The following MGMT variants were observed in gnomAD, a reference collection of about 807,000 sequenced individuals.
The protein encoded by MGMT is O-6-methylguanine-DNA methyltransferase, also known as methylated-DNA--protein-cysteine methyltransferase.
Under a neutral mutation model 15.9 loss-of-function variants are expected in MGMT, and 14 were observed. The ratio of observed to expected loss-of-function variants is 0.88; its 90% CI spans 0.58 to 1.37. MGMT has a LOEUF of 1.37. MGMT is among the 40% of genes most tolerant of loss of function. The pLI is 0.00. For missense variants in MGMT, 282 were observed against 268.1 expected, an observed-to-expected ratio of 1.05 and a Z score of -0.36; for synonymous variants, 130 against 118.2, an observed-to-expected ratio of 1.10 and a Z score of -0.65.
At chr10:129,519,080 G>T (rs1845776048) in intron 1 of MGMT, among the ~76,000 whole-genome samples, 1 of 152,116 alleles carries the variant, frequency 6.6e-6, no homozygotes, top group Admixed American at 6.5e-5. Context: ...TTTTCTGTAA[G>T]CCCTGGACTA....
intron 1 of MGMT, among the ~76,000 whole-genome samples, chr10:129,471,079 G>A (rs772024310): frequency 5.3e-5 from 8 of 152,178 alleles, no homozygotes; most frequent in Non-Finnish European, 1.2e-4. Flanking sequence ...GGGGGACACC[G>A]AATGGATAGT....
intron 2 of MGMT, among the ~76,000 whole-genome samples, chr10:129,540,759 T>C (rs1254993656): frequency 1.3e-5 from 2 of 152,258 alleles, no homozygotes; most frequent in South Asian, 2.1e-4. Flanking sequence ...TGGATTGATA[T>C]TACTTTATCT....
chr10:129,700,557 A>T (rs1848087022), intron 2 of MGMT: 1 of 152,164 alleles, frequency 6.6e-6, no homozygotes, highest in Non-Finnish European at 1.5e-5. Flanking sequence ...GTCGGCTGTC[A>T]ACTCCAGAGG....
intron 2 of MGMT, among the ~76,000 whole-genome samples, chr10:129,564,457 C>T (rs1846323888): frequency 1.1e-5 from 1 of 90,122 alleles, no homozygotes; most frequent in African/African-American, 4.7e-5. Flanking sequence ...CCTCTCTCTC[C>T]CCTTCCTGTC....
chr10:129,569,656 T>C (rs1376828176), intron 2 of MGMT, among the ~76,000 whole-genome samples: 1 of 152,018 alleles, frequency 6.6e-6, no homozygotes, highest in Non-Finnish European at 1.5e-5. Context: ...ACAACCTTGG[T>C]GGGTTGTAGA....
At chr10:129,602,872 A>G (rs960204412) in intron 2 of MGMT, among the ~76,000 whole-genome samples, 1 of 152,104 alleles carries the variant, frequency 6.6e-6, no homozygotes, top group Non-Finnish European at 1.5e-5. Flanking sequence ...CTGCAAGTAT[A>G]TTTCATACAT....
intron 2 of MGMT, among the ~76,000 whole-genome samples, chr10:129,678,733 C>T (rs192115439): frequency 2.0e-5 from 3 of 152,056 alleles, no homozygotes; most frequent in African/African-American, 4.8e-5. Context: ...ACGTGTGCAC[C>T]GGGTGTAGAC....
At chr10:129,720,297 C>T (rs1020467668) in intron 3 of MGMT, among the ~76,000 whole-genome samples, 2 of 152,226 alleles carry the variant, frequency 1.3e-5, no homozygotes. Context: ...TGGGATGACA[C>T]GTTCAAAGCG....
At chr10:129,587,924 T>A (rs1310259086) in intron 2 of MGMT, among the ~76,000 whole-genome samples, 3 of 152,210 alleles carry the variant, frequency 2.0e-5, no homozygotes, top group Admixed American at 6.5e-5. Context: ...TATATGCAAA[T>A]GTTACCTGGC....
intron 2 of MGMT, among the ~76,000 whole-genome samples, chr10:129,586,310 T>G (rs987508943): frequency 6.6e-6 from 1 of 152,112 alleles, no homozygotes; most frequent in Non-Finnish European, 1.5e-5. Flanking sequence ...CCCCAAAGTT[T>G]CCTCTTGCAC....
chr10:129,618,174 C>A (rs1245908081), intron 2 of MGMT, among the ~76,000 whole-genome samples: 1 of 152,106 alleles, frequency 6.6e-6, no homozygotes, highest in Non-Finnish European at 1.5e-5. Context: ...TCTTTGGTAT[C>A]CCTAGAAAAC....
At chr10:129,764,989 G>T (rs545838784) in intron 4 of MGMT, among the ~76,000 whole-genome samples, 1 of 152,082 alleles carries the variant, frequency 6.6e-6, no homozygotes, top group Non-Finnish European at 1.5e-5. Context: ...TCTACGTGTC[G>T]TGCCAGCTGA....
chr10:129,708,130 T>C (rs2133142877), intron 3 of MGMT, 87 bp downstream of exon 3: 1 of 1,490,680 alleles, frequency 6.7e-7, no homozygotes, highest in Non-Finnish European at 9.0e-7. Flanking sequence ...TTATTGAGTA[T>C]ACCAACTTGG....
intron 2 of MGMT, among the ~76,000 whole-genome samples, chr10:129,671,661 A>G (rs980330365): frequency 6.6e-6 from 1 of 152,200 alleles, no homozygotes; most frequent in Non-Finnish European, 1.5e-5. Context: ...TCATTTTCAG[A>G]TGTCTTGTGT....
intron 1 of MGMT, among the ~76,000 whole-genome samples, chr10:129,509,046 G>A (rs887535950): frequency 6.6e-6 from 1 of 152,208 alleles, no homozygotes; most frequent in African/African-American, 2.4e-5. Context: ...GCTCTTTTCT[G>A]CTGGGCTGCG....
At chr10:129,504,461 T>C (rs566293982) in intron 1 of MGMT, among the ~76,000 whole-genome samples, 3 of 152,338 alleles carry the variant, frequency 2.0e-5, no homozygotes, top group Admixed American at 6.5e-5. Context: ...TAGGGTCTTA[T>C]GAATTTTAGA....
chr10:129,573,869 G>A (rs754732421), intron 2 of MGMT, among the ~76,000 whole-genome samples: 15 of 152,082 alleles, frequency 9.9e-5, no homozygotes, highest in East Asian at 1.9e-4. Flanking sequence ...TAAGATCACC[G>A]AATGGAGAAT....
chr10:129,685,723 A>G (rs1847897648), intron 2 of MGMT, among the ~76,000 whole-genome samples: 1 of 152,242 alleles, frequency 6.6e-6, no homozygotes, highest in South Asian at 2.1e-4. Flanking sequence ...AGTCATGTAA[A>G]TAAGACCTAA....
chr10:129,654,591 C>T (rs1847502042), intron 2 of MGMT, among the ~76,000 whole-genome samples: 1 of 152,122 alleles, frequency 6.6e-6, no homozygotes, highest in Non-Finnish European at 1.5e-5. Flanking sequence ...TTCCCACTGG[C>T]TGCTTGGAGG....
Sources: gnomAD v4.1 joint callset for allele counts (sites outside exome capture counted in the v4.1 genomes callset) on GRCh38, gnomAD v4.1.1 for gene constraint, MANE v1.5 for transcripts, NCBI Gene and HGNC (gene_info 2026-07-23, HGNC 2026-07-21) for gene names.